The following PTPRR variants were observed in gnomAD, a reference collection of about 807,000 sequenced individuals.
PTPRR encodes the protein receptor-type tyrosine-protein phosphatase R.
In PTPRR, 38 loss-of-function variants were observed where a neutral mutation model predicts 77.2. The observed-to-expected ratio is 0.49, with a 90% CI of 0.38 to 0.65. The LOEUF (loss-of-function observed/expected upper bound fraction) is 0.65, where lower values mean the gene tolerates loss of function less well. Among genes scored for constraint, PTPRR ranks in the 30% least tolerant of loss-of-function variants. The probability of loss-of-function intolerance (pLI) is 0.00; values close to 1 mark genes in which losing one functional copy is unlikely to be tolerated. For synonymous variants in PTPRR, 299 were observed against 283.1 expected, an observed-to-expected ratio of 1.06 and a Z score of -0.57; for missense variants, 744 against 799.2, an observed-to-expected ratio of 0.93 and a Z score of 0.83.
chr12:70,784,825 A>G (rs919616392), intron 2 of PTPRR, among the ~76,000 whole-genome samples: 3 of 152,216 alleles, frequency 2.0e-5, no homozygotes, highest in Non-Finnish European at 4.4e-5. Context: ...AAGGTCTTGA[A>G]CATAGTAACC....
intron 6 of PTPRR, among the ~76,000 whole-genome samples, chr12:70,727,920 G>A (rs1889501013): frequency 6.6e-6 from 1 of 152,116 alleles, no homozygotes; most frequent in Non-Finnish European, 1.5e-5. Flanking sequence ...TCTTGGTTAA[G>A]AAAGAAAATA....
At chr12:70,844,467 T>C (rs1302608107) in intron 2 of PTPRR, among the ~76,000 whole-genome samples, 1 of 152,192 alleles carries the variant, frequency 6.6e-6, no homozygotes, top group Non-Finnish European at 1.5e-5. Flanking sequence ...TATAATATTA[T>C]ATATGTCTAA....
At chr12:70,832,460 C>T (rs969780210) in intron 2 of PTPRR, among the ~76,000 whole-genome samples, 1 of 152,140 alleles carries the variant, frequency 6.6e-6, no homozygotes, top group African/African-American at 2.4e-5. Context: ...CTAGAGAGAA[C>T]ATGATACATT....
intron 6 of PTPRR, among the ~76,000 whole-genome samples, chr12:70,704,286 T>G (rs1888537259): frequency 6.6e-6 from 1 of 151,936 alleles, no homozygotes; most frequent in Admixed American, 6.6e-5. Context: ...AGTGTTGTGG[T>G]GCTTGCCTGT....
At chr12:70,817,155 T>C (rs927903828) in intron 2 of PTPRR, among the ~76,000 whole-genome samples, 27 of 152,126 alleles carry the variant, frequency 1.8e-4, no homozygotes, top group African/African-American at 6.3e-4. Flanking sequence ...TTTAAACTAT[T>C]TTAAAAAAGT....
rs527650702 is a variant in PTPRR, at chr12:70,848,515, G to C, written c.357+44164C>G. Among the ~76,000 whole-genome samples the C allele has an allele frequency of 4.6e-5, 7 of 152,158 alleles. 1 individual carries two copies. The South Asian group carries it at 8.3e-4, about 18-fold the overall frequency. ...ATTATTTTATTTTTGGTAGTGACAG[G>C]GTTCTACCATCTTGGCCAGGCTGGT... On this transcript the variant is annotated intron_variant, in intron 2 of 13. Coordinates refer to ENST00000283228, the MANE Select transcript of PTPRR (RefSeq NM_002849.4).
intron 6 of PTPRR, among the ~76,000 whole-genome samples, chr12:70,708,674 T>C (rs1888706829): frequency 6.6e-6 from 1 of 152,168 alleles, no homozygotes; most frequent in South Asian, 2.1e-4. Flanking sequence ...TTTTAGTTCC[T>C]AAGTTAATTT....
chr12:70,744,950 T>C (rs1344331094), intron 6 of PTPRR, among the ~76,000 whole-genome samples: 1 of 152,224 alleles, frequency 6.6e-6, no homozygotes, highest in African/African-American at 2.4e-5. Context: ...CATTTATGTA[T>C]TTTGCAAATC....
intron 2 of PTPRR, among the ~76,000 whole-genome samples, chr12:70,803,192 A>G (rs1891646786): frequency 6.6e-6 from 1 of 152,162 alleles, no homozygotes; most frequent in Non-Finnish European, 1.5e-5. Context: ...TTGTGCCCCT[A>G]ATCTCTGAAG....
chr12:70,859,946 A>G (rs1892723678), intron 2 of PTPRR, among the ~76,000 whole-genome samples: 1 of 151,998 alleles, frequency 6.6e-6, no homozygotes. Flanking sequence ...TTATTGAAAT[A>G]ATTCTCCTTT....
intron 2 of PTPRR, among the ~76,000 whole-genome samples, chr12:70,793,687 G>A (rs1205526293): frequency 6.6e-6 from 1 of 152,144 alleles, no homozygotes; most frequent in Non-Finnish European, 1.5e-5. Context: ...ATCAAACGAG[G>A]GTAATTTTGT....
chr12:70,668,320 G>A (rs1430605379), intron 10 of PTPRR, among the ~76,000 whole-genome samples: 2 of 152,102 alleles, frequency 1.3e-5, no homozygotes, highest in East Asian at 3.9e-4. Context: ...GGAGTCAGCT[G>A]TTTGGCTTTG....
In PTPRR at chr12:70,661,078, T is replaced by A; in HGVS notation, c.1628A>T (p.His543Leu). Residue 543 changes from histidine (H) to leucine (L), a missense_variant, in exon 12 of 14, where the codon CAT becomes CTT. His to Leu is a moderately conservative substitution (Grantham distance 99). Transcript: ENST00000283228. ...LVLKQGSHTQHVKHYWYTSWP... is the reference protein window; with the variant it reads ...LVLKQGSHTQLVKHYWYTSWP... The stretch of plus-strand genomic sequence containing the variant: ...TGAGGTGTACCAGTAATGCTTCACA[T>A]GTTGGGTGTGGCTTCCTTGCTGAAA... The A allele has an allele frequency of 3.1e-6, 5 of 1,611,328 alleles. No individual in the cohort carries two copies. The highest frequency in any genetic ancestry group is 3.4e-6 in the Non-Finnish European group (4 of 1,178,524).
chr12:70,737,385 GAACCTCACC>G (rs1889897361), intron 6 of PTPRR, among the ~76,000 whole-genome samples: 1 of 152,044 alleles, frequency 6.6e-6, no homozygotes, highest in African/African-American at 2.4e-5. Flanking sequence ...TGCTTTTACA[GAACCTCACC>G]AAAGACCTAA....
chr12:70,852,767 G>GGA lies in PTPRR; in HGVS notation c.357+39910_357+39911dup, dbSNP rs535803516. ...ATTGTGCAAATTATTTACTTTTTTT[G>GGA]GACTTCTACATACTTGCTCATATTG... On this transcript the variant is annotated intron_variant, in intron 2 of 13. Transcript: ENST00000283228. 1.2e-4 allele frequency among the ~76,000 whole-genome samples: 19 copies of GGA among 152,108 alleles called. No individual in the cohort carries two copies. The East Asian group carries it at 3.7e-3, about 29-fold the overall frequency.
chr12:70,702,916 T>C (rs1407403036), intron 6 of PTPRR, among the ~76,000 whole-genome samples: 1 of 152,202 alleles, frequency 6.6e-6, no homozygotes, highest in Non-Finnish European at 1.5e-5. Context: ...TGGCATCTAG[T>C]TTGATTATCT....
intron 10 of PTPRR, among the ~76,000 whole-genome samples, chr12:70,663,088 G>A (rs1334119105): frequency 6.6e-6 from 1 of 152,052 alleles, no homozygotes; most frequent in Non-Finnish European, 1.5e-5. Context: ...TATGTTAGGT[G>A]GCATACAACC....
At chr12:70,799,437 G>A (rs1320381766) in intron 2 of PTPRR, among the ~76,000 whole-genome samples, 1 of 152,070 alleles carries the variant, frequency 6.6e-6, no homozygotes, top group African/African-American at 2.4e-5. Context: ...TTTGTGTATT[G>A]AGCTTTGGCA....
intron 2 of PTPRR, among the ~76,000 whole-genome samples, chr12:70,838,562 T>G (rs1339853480): frequency 6.6e-6 from 1 of 152,166 alleles, no homozygotes; most frequent in Non-Finnish European, 1.5e-5. Flanking sequence ...TTCAGGTTAT[T>G]TGGTTGGCTG....
Sources: allele counts gnomAD v4.1 joint callset (sites outside exome capture counted in the v4.1 genomes callset), GRCh38; gene constraint gnomAD v4.1.1; transcripts MANE v1.5; gene names NCBI Gene and HGNC (gene_info 2026-07-23, HGNC 2026-07-21).